The following MAD1L1 variants were observed in gnomAD, a reference collection of about 807,000 sequenced individuals.
MAD1L1 encodes the protein mitotic spindle assembly checkpoint protein MAD1.
A neutral mutation model predicts 96.9 loss-of-function variants in MAD1L1; 95 were observed. The ratio of observed to expected loss-of-function variants is 0.98; its 90% CI spans 0.83 to 1.16. MAD1L1 has a LOEUF of 1.16. Ranked by LOEUF, MAD1L1 falls within the 50% of genes most tolerant of loss-of-function variation. The pLI is 0.00. For missense variants in MAD1L1, 1,007 were observed against 954.4 expected (o/e 1.06, Z -0.73); for synonymous variants, 473 against 396.6 (o/e 1.19, Z -2.29).
intron 10 of MAD1L1, among the ~76,000 whole-genome samples, chr7:2,172,568 C>T (rs1033625589): frequency 2.6e-5 from 4 of 152,236 alleles, no homozygotes; most frequent in Non-Finnish European, 4.4e-5. Flanking sequence ...AGGGCGCCGC[C>T]GCCAGGACGG....
intron 10 of MAD1L1, among the ~76,000 whole-genome samples, chr7:2,204,769 G>A (rs1792503286): frequency 6.6e-6 from 1 of 152,212 alleles, no homozygotes; most frequent in South Asian, 2.1e-4. Context: ...GTCTTCATGA[G>A]ACCACATTTT....
Position 2,216,210 on chromosome 7 carries a change from G to T in MAD1L1, c.756C>A (p.Leu252=). ...GCTTCAGCTCCCGTTCCAGCCTAGG[G>T]AGCCGTACCAGCTCAGACTTCATGT... The part of the protein sequence containing the change: ...VKNMKSELVR[L]PRLERELKQL... Residue 252 remains leucine (L), a synonymous_variant, in exon 8 of 19, where the codon CTC becomes CTA. Coordinates refer to ENST00000265854, the MANE Select transcript of MAD1L1 (RefSeq NM_001013836.2). 1.2e-6 allele frequency: 2 copies of T among 1,614,064 alleles called. No homozygotes were observed. The highest frequency in any genetic ancestry group is 2.2e-5 in the East Asian group (1 of 44,886).
At chr7:2,079,959 C>A in intron 11 of MAD1L1, 2 of 351,814 alleles carry the variant, frequency 5.7e-6, no homozygotes, top group South Asian at 2.2e-5. Flanking sequence ...AGCAGGTGTC[C>A]TGGACACATC....
chr7:2,055,669 CAA>C (rs35707803), intron 12 of MAD1L1, among the ~76,000 whole-genome samples: 23,313 of 89,910 alleles, frequency 0.26, 2,025 homozygotes, highest in Middle Eastern at 0.37. Context: ...GACCCTGTCT[CAA>C]AAAAAAAAAA....
chr7:1,928,005 CCAGA>C (rs1025773430), intron 17 of MAD1L1, among the ~76,000 whole-genome samples: 1 of 152,234 alleles, frequency 6.6e-6, no homozygotes, highest in African/African-American at 2.4e-5. Context: ...AGCTACTTCT[CCAGA>C]CAGTGGAGAG....
intron 10 of MAD1L1, among the ~76,000 whole-genome samples, chr7:2,166,477 G>A (rs538065038): frequency 1.5e-4 from 22 of 142,880 alleles, no homozygotes; most frequent in Middle Eastern, 4.1e-3. Flanking sequence ...AACTGTTCAA[G>A]CTAAAAAAAA....
At chr7:2,232,575 C>T (rs558903695) in intron 1 of MAD1L1, among the ~76,000 whole-genome samples, 1,961 of 152,300 alleles carry the variant, frequency 0.013, 18 homozygotes, top group Non-Finnish European at 0.019. Flanking sequence ...ACGCGCCCCT[C>T]GGCCGCCCGC....
At chr7:2,093,317 T>A (rs1449678199) in intron 11 of MAD1L1, among the ~76,000 whole-genome samples, 2 of 151,708 alleles carry the variant, frequency 1.3e-5, no homozygotes, top group African/African-American at 4.8e-5. Context: ...AAAGAATATT[T>A]AACATGGAAA....
Position 2,215,901 on chromosome 7 carries a change from A to C in MAD1L1, c.908T>G (p.Leu303Trp). ...QEKMQETLVGLELENERLLAK... is the reference protein window; with the variant it reads ...QEKMQETLVGWELENERLLAK... ...GGCCCTCACCTCGTTCTCCAGCTCCAAGCCAACCAGCGTCTCCTGCATCTT... is the reference window on the plus strand; with the variant it reads ...GGCCCTCACCTCGTTCTCCAGCTCCCAGCCAACCAGCGTCTCCTGCATCTT... Residue 303 changes from leucine to tryptophan, a missense_variant, in exon 9 of 19, where the codon TTG (leucine) becomes TGG (tryptophan). Leu to Trp is a moderately conservative substitution (Grantham distance 61). Coordinates refer to ENST00000265854, the MANE Select transcript of MAD1L1 (RefSeq NM_001013836.2). 3.1e-6 allele frequency: 5 copies of C among 1,614,156 alleles called. No individual in the cohort carries two copies. Among genetic ancestry groups the C allele is most frequent in the Non-Finnish European group, 4.2e-6 (5 of 1,180,014 alleles).
chr7:2,026,538 G>A (rs758565993), intron 12 of MAD1L1, among the ~76,000 whole-genome samples: 6 of 152,176 alleles, frequency 3.9e-5, no homozygotes, highest in African/African-American at 7.2e-5. Flanking sequence ...ACTGACTTCC[G>A]ATGGGGCCAT....
chr7:1,887,862 C>CGT (rs1241718410), intron 18 of MAD1L1, among the ~76,000 whole-genome samples: 1 of 14,828 alleles, frequency 6.7e-5, no homozygotes, highest in African/African-American at 6.6e-4. Flanking sequence ...TGTGTGTGCA[C>CGT]GTGTGTGTGC....
At chr7:2,096,855 C>A (rs1786518382) in intron 11 of MAD1L1, among the ~76,000 whole-genome samples, 1 of 152,298 alleles carries the variant, frequency 6.6e-6, no homozygotes, top group East Asian at 1.9e-4. Context: ...GCAGAGGACG[C>A]TGGCCCAGGC....
At chr7:2,154,522 A>C (rs894857692) in intron 10 of MAD1L1, among the ~76,000 whole-genome samples, 7 of 152,378 alleles carry the variant, frequency 4.6e-5, no homozygotes, top group African/African-American at 1.4e-4. Context: ...ATAAATACTC[A>C]AAGTGATGGT....
intron 11 of MAD1L1, among the ~76,000 whole-genome samples, chr7:2,106,089 G>C: frequency 7.9e-6 from 1 of 126,268 alleles, no homozygotes; most frequent in Non-Finnish European, 1.6e-5. Context: ...CACAGCGCCA[G>C]CCATCACACA....
chr7:2,186,441 T>C (rs1791463435), intron 10 of MAD1L1, among the ~76,000 whole-genome samples: 1 of 152,254 alleles, frequency 6.6e-6, no homozygotes. Flanking sequence ...GGCCGTATGA[T>C]GCCATTTGTT....
At chr7:2,125,469 T>A (rs1788188820) in intron 11 of MAD1L1, among the ~76,000 whole-genome samples, 1 of 152,180 alleles carries the variant, frequency 6.6e-6, no homozygotes, top group South Asian at 2.1e-4. Flanking sequence ...AGCTCCACCG[T>A]ACACTCAGGA....
chr7:2,046,339 A>G (rs1783919017), intron 12 of MAD1L1, among the ~76,000 whole-genome samples: 1 of 152,052 alleles, frequency 6.6e-6, no homozygotes, highest in South Asian at 2.1e-4. Flanking sequence ...AAAGGCCCCC[A>G]CAACCTCAGG....
At chr7:1,826,065 C>CTGCCGG (rs199932333) in intron 18 of MAD1L1, among the ~76,000 whole-genome samples, 3,888 of 152,308 alleles carry the variant, frequency 0.026, 109 homozygotes, top group Admixed American at 0.072. Context: ...CGTGCTGAGC[C>CTGCCGG]TGCCGGGTAC....
chr7:1,821,190 C>G (rs2128620432), intron 18 of MAD1L1, among the ~76,000 whole-genome samples: 1 of 151,252 alleles, frequency 6.6e-6, no homozygotes, highest in Admixed American at 6.6e-5. Flanking sequence ...AATACTACAA[C>G]AAAACTTGAT....
Sources: gnomAD v4.1 joint callset for allele counts (sites outside exome capture counted in the v4.1 genomes callset) on GRCh38, gnomAD v4.1.1 for gene constraint, MANE v1.5 for transcripts, NCBI Gene and HGNC (gene_info 2026-07-23, HGNC 2026-07-21) for gene names.